CRACD: variants seen among roughly 807,000 people sequenced by gnomAD.
CRACD encodes capping protein inhibiting regulator of actin dynamics, also known as capping protein-inhibiting regulator of actin dynamics.
In CRACD, 56 loss-of-function variants were observed where a neutral mutation model predicts 106.8. That is an observed-to-expected ratio of 0.52 (90% CI 0.42 to 0.66). The LOEUF is 0.66. Among genes scored for constraint, CRACD ranks in the 30% least tolerant of loss-of-function variants. The probability of loss-of-function intolerance (pLI) is 0.00; values close to 1 mark genes in which losing one functional copy is unlikely to be tolerated. For synonymous variants in CRACD, 754 were observed against 670.8 expected, an observed-to-expected ratio of 1.12 and a Z score of -1.92; for missense variants, 1,730 against 1,623.2, an observed-to-expected ratio of 1.07 and a Z score of -1.13.
intron 1 of CRACD, among the ~76,000 whole-genome samples, chr4:56,141,543 G>C (rs1036465094): frequency 6.6e-6 from 1 of 151,978 alleles, no homozygotes; most frequent in African/African-American, 2.4e-5. Context: ...CCTGCAGTGA[G>C]CTGTGATCGT....
chr4:56,120,958 G>A (rs774694855), intron 1 of CRACD, among the ~76,000 whole-genome samples: 1 of 152,138 alleles, frequency 6.6e-6, no homozygotes, highest in Non-Finnish European at 1.5e-5. Context: ...ATCAGTCAGC[G>A]CTACTAGTTC....
rs375472576 is a variant in CRACD, at chr4:56,324,306, G to A, written c.3541+40G>A. ...CATTGCTTTGTAACTGTAGTTCCAG[G>A]TTTCTCTTTGTAGAGCGTGCTTTAT... is the stretch of plus-strand genomic sequence containing the variant. On this transcript the variant is annotated intron_variant, in intron 10 of 10. Coordinates refer to ENST00000682029, the MANE Select transcript of CRACD (RefSeq NM_001393381.1). 48 of 1,581,692 alleles carry A rather than the reference G, an allele frequency of 3.0e-5. No homozygotes were observed. In the African/African-American group the frequency reaches 5.8e-4, roughly 19 times the overall value.
chr4:56,090,206 C>T (rs1281992862), intron 1 of CRACD, among the ~76,000 whole-genome samples: 1 of 149,886 alleles, frequency 6.7e-6, no homozygotes, highest in East Asian at 2.0e-4. Context: ...AAACTTTACA[C>T]AGGTAGTTTC....
intron 2 of CRACD, among the ~76,000 whole-genome samples, chr4:56,251,085 A>G (rs1027253697): frequency 2.0e-5 from 3 of 152,284 alleles, no homozygotes; most frequent in African/African-American, 7.2e-5. Context: ...GTCTTCTTCC[A>G]TCTTTTACTT....
intron 1 of CRACD, among the ~76,000 whole-genome samples, chr4:56,082,250 ACCATGCCCAGGG>A (rs1336008257): frequency 1.3e-5 from 2 of 152,174 alleles, no homozygotes; most frequent in Non-Finnish European, 2.9e-5. Context: ...AGAGGGGTGG[ACCATGCCCAGGG>A]CCAAAAGCAG....
chr4:56,316,781 T>C, intron 8 of CRACD, 92 bp downstream of exon 8: 1 of 1,408,556 alleles, frequency 7.1e-7, no homozygotes, highest in Non-Finnish European at 9.6e-7. Context: ...ATGAGAATAA[T>C]TTACCAACAA....
intron 2 of CRACD, among the ~76,000 whole-genome samples, chr4:56,228,419 A>G (rs1401733338): frequency 6.6e-6 from 1 of 152,138 alleles, no homozygotes; most frequent in Non-Finnish European, 1.5e-5. Context: ...GCTTAGGTGG[A>G]AGGTTACATC....
At position 56,316,205 on chromosome 4, in the gene CRACD, G is replaced by T. The variant is rs768599398; in HGVS notation, c.2703G>T (p.Lys901Asn). 3 of 1,614,158 alleles carry T rather than the reference G, an allele frequency of 1.9e-6. No individual in the cohort carries two copies. In the South Asian group the frequency reaches 3.3e-5, roughly 18 times the overall value. Residue 901 changes from lysine to asparagine, a missense_variant, in exon 8 of 11, where the codon AAG (lysine) becomes AAT (asparagine). Physicochemically the swap from Lys to Asn is moderately conservative, Grantham distance 94 (BLOSUM62 0). Coordinates refer to ENST00000682029, the MANE Select transcript of CRACD (RefSeq NM_001393381.1). ...AAGAGATGGAGGGTGTGGCCCTCAA[G>T]CATGGTCCATCCCTCCCCCAAGAGC... The part of the protein sequence containing the change: ...GEKEMEGVAL[K>N]HGPSLPQERK...
intron 2 of CRACD, among the ~76,000 whole-genome samples, chr4:56,230,633 A>G (rs987426545): frequency 1.3e-5 from 2 of 152,166 alleles, no homozygotes; most frequent in African/African-American, 2.4e-5. Context: ...GATTCTTGGC[A>G]CTTAGGACCT....
chr4:56,316,326 C>G lies in CRACD; in HGVS notation c.2824C>G (p.Gln942Glu). ...AHPGPPPASSQTPAPEHDKAA... is the reference protein window; with the variant it reads ...AHPGPPPASSETPAPEHDKAA... ...CCCTGGGCCTCCACCGGCCAGCAGC[C>G]AGACCCCGGCTCCGGAGCACGACAA... is the stretch of plus-strand genomic sequence containing the variant. Residue 942 changes from glutamine to glutamate, a missense_variant, in exon 8 of 11, where the codon CAG becomes GAG. Gln to Glu is a conservative substitution (Grantham distance 29, BLOSUM62 2). Transcript: ENST00000682029. 1 of 1,614,058 alleles carries G rather than the reference C, an allele frequency of 6.2e-7. No homozygotes were observed. Among genetic ancestry groups the G allele is most frequent in the East Asian group, 2.2e-5 (1 of 44,880 alleles).
chr4:56,258,950 A>T (rs1213299560), intron 2 of CRACD, among the ~76,000 whole-genome samples: 1 of 152,156 alleles, frequency 6.6e-6, no homozygotes, highest in Non-Finnish European at 1.5e-5. Context: ...AATCCAGTAT[A>T]TGGCACTCTT....
rs776894690 is a variant in CRACD at position 56,324,160 on chromosome 4, C to T, written c.3435C>T (p.His1145=). The T allele has an allele frequency of 3.1e-6, 5 of 1,614,182 alleles. No homozygotes were observed. Among genetic ancestry groups the T allele is most frequent in the Non-Finnish European group, 4.2e-6 (5 of 1,179,986 alleles). ...SSSVSRAGSL[H]KSTALPEEKR... Reference sequence around the variant, plus strand: ...GTGTCAGCAGAGCAGGTTCCCTGCACAAGTCCACTGCTCTGCCAGAAGAGA... The same window carrying T: ...GTGTCAGCAGAGCAGGTTCCCTGCATAAGTCCACTGCTCTGCCAGAAGAGA... The change falls in exon 10 of 11, where the codon CAC becomes CAT. Residue 1145 remains histidine (H), a synonymous_variant. Transcript: ENST00000682029.
chr4:56,120,422 TA>T (rs1269432340), intron 1 of CRACD, among the ~76,000 whole-genome samples: 1 of 152,104 alleles, frequency 6.6e-6, no homozygotes, highest in Middle Eastern at 3.4e-3. Flanking sequence ...AGTTTTAAAA[TA>T]AAAAAAATTA....
intron 2 of CRACD, among the ~76,000 whole-genome samples, chr4:56,269,775 A>G (rs976683734): frequency 6.6e-6 from 1 of 151,642 alleles, no homozygotes; most frequent in Admixed American, 6.6e-5. Flanking sequence ...TCTCACAATA[A>G]CTCATTCAAT....
At chr4:56,088,388 G>A (rs184401051) in intron 1 of CRACD, among the ~76,000 whole-genome samples, 3 of 152,202 alleles carry the variant, frequency 2.0e-5, no homozygotes, top group African/African-American at 4.8e-5. Context: ...CCAGGCTGGA[G>A]TGCAGTGACG....
Position 56,128,726 on chromosome 4 carries a change from AC to A in CRACD, c.-335-50552del, listed in dbSNP as rs559077492. The stretch of plus-strand genomic sequence containing the variant: ...ACGCCAACCTGGGTAAGATAGGGAG[AC>A]CCCCCACCTCAGAAACCAACAAAAG... On this transcript the variant is annotated intron_variant, in intron 1 of 10. Coordinates refer to ENST00000682029, the MANE Select transcript of CRACD (RefSeq NM_001393381.1). Among the ~76,000 whole-genome samples the A allele has an allele frequency of 1.1e-4, 16 of 151,868 alleles. No homozygotes were observed. In the South Asian group the frequency reaches 3.1e-3, roughly 30 times the overall value.
At chr4:56,105,349 A>G (rs893561173) in intron 1 of CRACD, among the ~76,000 whole-genome samples, 12 of 152,196 alleles carry the variant, frequency 7.9e-5, no homozygotes, top group African/African-American at 2.9e-4. Context: ...AAATGAAAAA[A>G]TTAGCCGAGC....
intron 3 of CRACD, among the ~76,000 whole-genome samples, chr4:56,288,042 G>A (rs771374586): frequency 6.6e-6 from 1 of 152,186 alleles, no homozygotes; most frequent in East Asian, 1.9e-4. Context: ...TTGGGTAGGA[G>A]TGGCATGGAT....
intron 1 of CRACD, among the ~76,000 whole-genome samples, chr4:56,051,397 G>T (rs961801103): frequency 4.6e-5 from 7 of 152,136 alleles, no homozygotes; most frequent in African/African-American, 1.4e-4. Flanking sequence ...CAAGAATGGG[G>T]TCTCTTGGGT....
Sources: gnomAD v4.1 joint callset for allele counts (sites outside exome capture counted in the v4.1 genomes callset) on GRCh38, gnomAD v4.1.1 for gene constraint, MANE v1.5 for transcripts, NCBI Gene and HGNC (gene_info 2026-07-23, HGNC 2026-07-21) for gene names.